MYRIP: variants seen among roughly 807,000 people sequenced by gnomAD.
The protein encoded by MYRIP is rab effector MyRIP.
MYRIP carries 49 observed loss-of-function variants against 98.0 expected under a neutral mutation model. That is an observed-to-expected ratio of 0.50 (90% confidence interval 0.40 to 0.63). MYRIP has a LOEUF of 0.63. Among genes scored for constraint, MYRIP ranks in the 30% least tolerant of loss-of-function variants. The pLI is 0.00. For missense variants in MYRIP, 1,004 were observed against 1,058.2 expected, an observed-to-expected ratio of 0.95 and a Z score of 0.71; for synonymous variants, 404 against 409.5, an observed-to-expected ratio of 0.99 and a Z score of 0.16.
At chr3:40,225,446 T>C (rs1952461313) in intron 11 of MYRIP, among the ~76,000 whole-genome samples, 1 of 152,200 alleles carries the variant, frequency 6.6e-6, no homozygotes, top group South Asian at 2.1e-4. Context: ...TGATCTGTTG[T>C]TCACTGGTCT....
At chr3:40,059,187 AG>A (rs2125846369) in intron 3 of MYRIP, among the ~76,000 whole-genome samples, 1 of 152,158 alleles carries the variant, frequency 6.6e-6, no homozygotes, top group East Asian at 1.9e-4. Context: ...TATTATTGAT[AG>A]GTATTTGGCC....
chr3:39,973,805 G>A (rs1425780486), intron 2 of MYRIP, among the ~76,000 whole-genome samples: 2 of 152,124 alleles, frequency 1.3e-5, no homozygotes, highest in Non-Finnish European at 2.9e-5. Context: ...TAACTACTGG[G>A]TACATAACGA....
chr3:40,117,996 A>G (rs1949318580), intron 3 of MYRIP, among the ~76,000 whole-genome samples: 1 of 145,536 alleles, frequency 6.9e-6, no homozygotes, highest in African/African-American at 2.5e-5. Context: ...TAATTTTTCT[A>G]ACATAGAAAT....
At chr3:40,000,371 G>C (rs1946490745) in intron 2 of MYRIP, among the ~76,000 whole-genome samples, 1 of 152,186 alleles carries the variant, frequency 6.6e-6, no homozygotes. Flanking sequence ...CCATTAGGAA[G>C]AGTGTAGTGG....
At chr3:40,079,781 G>T (rs1230802956) in intron 3 of MYRIP, among the ~76,000 whole-genome samples, 1 of 152,212 alleles carries the variant, frequency 6.6e-6, no homozygotes, top group Non-Finnish European at 1.5e-5. Context: ...TGGAAGTATA[G>T]CATTGTTCAC....
At chr3:40,247,871 T>A (rs1206274685) in intron 13 of MYRIP, among the ~76,000 whole-genome samples, 3 of 152,278 alleles carry the variant, frequency 2.0e-5, no homozygotes, top group African/African-American at 7.2e-5. Flanking sequence ...GGAAATGTGT[T>A]GGTCCTGCCC....
intron 4 of MYRIP, 21 bp downstream of exon 4, chr3:40,151,205 T>C: frequency 6.3e-7 from 1 of 1,581,224 alleles, no homozygotes; most frequent in Non-Finnish European, 8.6e-7. Context: ...TTCCTGCCGC[T>C]CTGGGAGTCT....
Position 39,909,879 on chromosome 3 carries a change from G to T in MYRIP, c.110+8953G>T, listed in dbSNP as rs111807376. Among the ~76,000 whole-genome samples, 390 of 119,858 alleles carry T rather than the reference G, an allele frequency of 3.3e-3. 2 individuals carry two copies. The highest frequency in any genetic ancestry group is 0.013 in the African/African-American group (372 of 28,132). The allele number at this position is 119,858 out of a possible 152,430, so 78.6% of individuals were successfully genotyped here. On this transcript the variant is annotated intron_variant, in intron 2 of 16. Transcript: ENST00000302541. Reference sequence around the variant, plus strand: ...ATCCCAACAATCCTGGGAAAAGCACGTTCTTTTTTTTTGTTTGTTTGTTTT... The same window carrying T: ...ATCCCAACAATCCTGGGAAAAGCACTTTCTTTTTTTTTGTTTGTTTGTTTT...
intron 3 of MYRIP, among the ~76,000 whole-genome samples, chr3:40,058,519 C>T (rs1489702106): frequency 6.6e-6 from 1 of 152,034 alleles, no homozygotes; most frequent in East Asian, 1.9e-4. Context: ...ACATGAATGT[C>T]TTCTTTAATG....
chr3:40,065,234 T>G (rs576714465), intron 3 of MYRIP, among the ~76,000 whole-genome samples: 4 of 152,196 alleles, frequency 2.6e-5, no homozygotes, highest in Non-Finnish European at 5.9e-5. Context: ...CCTGTGTGTC[T>G]CTGTCTTCCT....
At chr3:39,847,058 A>G (rs73072894) in intron 1 of MYRIP, among the ~76,000 whole-genome samples, 12,575 of 152,272 alleles carry the variant, frequency 0.083, 566 homozygotes, top group African/African-American at 0.12. Context: ...TTTAATGCCA[A>G]GCTCATCCAA....
intron 2 of MYRIP, among the ~76,000 whole-genome samples, chr3:39,938,553 C>G (rs1944708432): frequency 2.0e-5 from 3 of 152,142 alleles, no homozygotes; most frequent in Admixed American, 6.6e-5. Flanking sequence ...AATAGTTTTC[C>G]TAAGCAGTTG....
At chr3:39,812,049 G>A (rs1940714313) in intron 1 of MYRIP, among the ~76,000 whole-genome samples, 1 of 152,072 alleles carries the variant, frequency 6.6e-6, no homozygotes, top group Non-Finnish European at 1.5e-5. Flanking sequence ...TCAGACCTTG[G>A]TGAATTTAAC....
intron 1 of MYRIP, among the ~76,000 whole-genome samples, chr3:39,840,919 G>A (rs1274020827): frequency 6.6e-6 from 1 of 152,134 alleles, no homozygotes; most frequent in Non-Finnish European, 1.5e-5. Context: ...CAACCTTGGA[G>A]AATCTGAAAA....
intron 1 of MYRIP, among the ~76,000 whole-genome samples, chr3:39,900,094 T>A (rs1943709003): frequency 6.6e-6 from 1 of 152,316 alleles, no homozygotes; most frequent in African/African-American, 2.4e-5. Context: ...GTGCCGGGAT[T>A]ACAGGCTTGA....
At chr3:39,986,432 C>T (rs537957989) in intron 2 of MYRIP, among the ~76,000 whole-genome samples, 1 of 149,466 alleles carries the variant, frequency 6.7e-6, no homozygotes, top group East Asian at 1.9e-4. Context: ...CCCTCTCTGT[C>T]TCTTTCTCTC....
chr3:40,120,189 A>T (rs2125910318), intron 3 of MYRIP, among the ~76,000 whole-genome samples: 1 of 152,220 alleles, frequency 6.6e-6, no homozygotes, highest in East Asian at 1.9e-4. Flanking sequence ...ATTATATTTT[A>T]GCCTAATATA....
chr3:40,049,294 C>T (rs954700039), intron 3 of MYRIP, among the ~76,000 whole-genome samples: 2 of 152,052 alleles, frequency 1.3e-5, no homozygotes, highest in African/African-American at 4.8e-5. Flanking sequence ...CCACTTTTTC[C>T]GATAGCATAG....
chr3:39,950,075 A>G (rs1944975286), intron 2 of MYRIP, among the ~76,000 whole-genome samples: 1 of 152,088 alleles, frequency 6.6e-6, no homozygotes, highest in African/African-American at 2.4e-5. Context: ...CCTTTTCTAT[A>G]TATGTTCTTA....
Sources: gnomAD v4.1 joint callset for allele counts (sites outside exome capture counted in the v4.1 genomes callset) on GRCh38, gnomAD v4.1.1 for gene constraint, MANE v1.5 for transcripts, NCBI Gene and HGNC (gene_info 2026-07-23, HGNC 2026-07-21) for gene names.